Variants in MFHAS1 observed in about 807,000 individuals in gnomAD.
MFHAS1 encodes the protein multifunctional ROCO family signaling regulator 1, also known as malignant fibrous histiocytoma-amplified sequence 1.
MFHAS1 carries 50 observed loss-of-function variants against 70.4 expected under a neutral mutation model. That is an observed-to-expected ratio of 0.71 (90% CI 0.57 to 0.90). The LOEUF is 0.90. Ranked by LOEUF, MFHAS1 falls within the 40% of genes least tolerant of loss-of-function variation. MFHAS1 has a pLI of 0.00. For synonymous variants in MFHAS1, 952 were observed against 620.0 expected (o/e 1.54, Z -7.96); for missense variants, 1,795 against 1,347.6 (o/e 1.33, Z -5.20).
chr8:8,817,105 G>A (rs960589098), intron 1 of MFHAS1, among the ~76,000 whole-genome samples: 7 of 152,176 alleles, frequency 4.6e-5, no homozygotes, highest in African/African-American at 1.7e-4. Context: ...TTTCAGTATA[G>A]AAGCACACAG....
At chr8:8,791,169 C>G (rs1805708868) in intron 2 of MFHAS1, among the ~76,000 whole-genome samples, 1 of 146,396 alleles carries the variant, frequency 6.8e-6, no homozygotes, top group Non-Finnish European at 1.5e-5. Context: ...ACATGATCAG[C>G]CAAAATCAGA....
chr8:8,801,116 G>C (rs1206020918), intron 1 of MFHAS1, among the ~76,000 whole-genome samples: 1 of 152,104 alleles, frequency 6.6e-6, no homozygotes, highest in Non-Finnish European at 1.5e-5. Flanking sequence ...TCAGGAGGCT[G>C]AGGCAGCAGA....
chr8:8,841,968 A>C (rs1039320164), intron 1 of MFHAS1, among the ~76,000 whole-genome samples: 23 of 152,238 alleles, frequency 1.5e-4, no homozygotes, highest in Non-Finnish European at 4.4e-5. Context: ...ACTCAGTCTC[A>C]GCAAGGCATG....
At chr8:8,805,943 G>A (rs916547994) in intron 1 of MFHAS1, among the ~76,000 whole-genome samples, 3 of 151,866 alleles carry the variant, frequency 2.0e-5, no homozygotes, top group Non-Finnish European at 4.4e-5. Flanking sequence ...CAGGTGACCC[G>A]CCCACCTTGG....
chr8:8,795,507 G>A (rs1431690328), intron 2 of MFHAS1, among the ~76,000 whole-genome samples: 4 of 152,248 alleles, frequency 2.6e-5, no homozygotes, highest in Admixed American at 2.6e-4. Context: ...GCACATGATA[G>A]TTAAATAGTA....
chr8:8,786,486 T>C (rs1805547314), intron 2 of MFHAS1, among the ~76,000 whole-genome samples: 1 of 152,200 alleles, frequency 6.6e-6, no homozygotes, highest in South Asian at 2.1e-4. Flanking sequence ...AAGTGAGATG[T>C]CTGTCTGCCT....
At chr8:8,872,391 G>C (rs1585064292) in intron 1 of MFHAS1, among the ~76,000 whole-genome samples, 1 of 152,304 alleles carries the variant, frequency 6.6e-6, no homozygotes, top group East Asian at 1.9e-4. Context: ...TGTAAAAGGG[G>C]ACGGCAGGAG....
At chr8:8,789,464 G>C (rs66618176) in intron 2 of MFHAS1, among the ~76,000 whole-genome samples, 44,155 of 152,042 alleles carry the variant, frequency 0.29, 7,022 homozygotes, top group African/African-American at 0.39. Flanking sequence ...GGGCTGAAGG[G>C]AGGGTCCAGC....
chr8:8,793,488 A>G (rs1269429050), intron 2 of MFHAS1, among the ~76,000 whole-genome samples: 5 of 152,168 alleles, frequency 3.3e-5, no homozygotes, highest in East Asian at 1.9e-4. Context: ...AAGCCCCACA[A>G]AAGCCAGCAA....
In MFHAS1 at chr8:8,827,784, G is replaced by A. The variant is rs527521304; in HGVS notation, c.2999-30293C>T. ...TTACAGCTTCTGTGTTTTGTGACAC[G>A]CTTTGGGGGGAAAAAAGTCTTCTGT... On this transcript the variant is annotated intron_variant, in intron 1 of 2. Coordinates refer to ENST00000276282, the MANE Select transcript of MFHAS1 (RefSeq NM_004225.3). 2.2e-4 allele frequency among the ~76,000 whole-genome samples: 33 copies of A among 152,122 alleles called. No homozygotes were observed. The South Asian group carries it at 2.7e-3, about 12-fold the overall frequency.
At chr8:8,848,723 G>A (rs1037052365) in intron 1 of MFHAS1, among the ~76,000 whole-genome samples, 4 of 152,212 alleles carry the variant, frequency 2.6e-5, no homozygotes, top group African/African-American at 7.2e-5. Flanking sequence ...ACATTAGGAC[G>A]TGTTTTTTAA....
Position 8,891,823 on chromosome 8 carries a change from C to G in MFHAS1, c.1236G>C (p.Leu412=). ...SQPAVQPRLK[L]LLMGHKAAGK... ...CTGCAGCCTTATGCCCCATCAGGAG[C>G]AGCTTGAGCCGGGGCTGCACCGCCG... The change falls in exon 1 of 3, where the codon CTG becomes CTC. Residue 412 remains leucine, a synonymous_variant. Transcript: ENST00000276282. The surrounding 1 kb of genome is among the most constrained non-coding windows in gnomAD (Gnocchi z 5.4). The G allele has an allele frequency of 6.2e-7, 1 of 1,613,204 alleles. No individual in the cohort carries two copies. Among genetic ancestry groups the G allele is most frequent in the South Asian group, 1.1e-5 (1 of 91,076 alleles).
intron 1 of MFHAS1, among the ~76,000 whole-genome samples, chr8:8,888,788 G>A (rs73662206): frequency 1.3e-5 from 2 of 152,098 alleles, no homozygotes; most frequent in African/African-American, 2.4e-5. Context: ...CAGGTCATTG[G>A]ACATTTGTCC....
chr8:8,825,390 G>C (rs2409094), intron 1 of MFHAS1, among the ~76,000 whole-genome samples: 119,970 of 152,176 alleles, frequency 0.79, 47,378 homozygotes, highest in East Asian at 0.9. Context: ...CCAGGCTGGT[G>C]TCAAACTCCT....
At chr8:8,852,885 G>C (rs1048626426) in intron 1 of MFHAS1, among the ~76,000 whole-genome samples, 6 of 152,106 alleles carry the variant, frequency 3.9e-5, no homozygotes, top group African/African-American at 7.2e-5. Flanking sequence ...CTGGGAGAAG[G>C]GTATGAGCCC....
At chr8:8,851,887 C>CA (rs1808260260) in intron 1 of MFHAS1, among the ~76,000 whole-genome samples, 1 of 152,164 alleles carries the variant, frequency 6.6e-6, no homozygotes, top group Non-Finnish European at 1.5e-5. Context: ...ACAGTGTTCT[C>CA]CATTCTCTTG....
chr8:8,891,182 G>A lies in MFHAS1; in HGVS notation c.1877C>T (p.Pro626Leu). ...GTGGCGCGGGTCCCTGCAGCTAACAGGCAACACGGGGGAGAGGATCTGCAG... is the reference window on the plus strand; with the variant it reads ...GTGGCGCGGGTCCCTGCAGCTAACAAGCAACACGGGGGAGAGGATCTGCAG... ...HRLQILSPVL[P>L]VSCRDPRHLR... The change falls in exon 1 of 3, where the codon CCT becomes CTT. Residue 626 changes from proline to leucine, a missense_variant. Transcript: ENST00000276282. This position sits in a 1 kb window ranked among gnomAD's most constrained non-coding sequence, Gnocchi z 5.4. 1.9e-6 allele frequency: 3 copies of A among 1,613,212 alleles called. No individual in the cohort carries two copies. The highest frequency in any genetic ancestry group is 2.7e-5 in the African/African-American group (2 of 75,058).
Position 8,858,797 on chromosome 8 carries a change from G to C in MFHAS1, c.2998+31264C>G, listed in dbSNP as rs139774622. On this transcript the variant is annotated intron_variant, in intron 1 of 2. Coordinates refer to ENST00000276282, the MANE Select transcript of MFHAS1 (RefSeq NM_004225.3). ...GTGGACCCAAGCAGTTCAAATCTAT[G>C]TTGTTCAAGGATCAACTACACTCAT... Among the ~76,000 whole-genome samples, 207 of 152,192 alleles carry C rather than the reference G, an allele frequency of 1.4e-3. 1 individual carries two copies. Among genetic ancestry groups the C allele is most frequent in the African/African-American group, 4.8e-3 (201 of 41,502 alleles).
intron 1 of MFHAS1, among the ~76,000 whole-genome samples, chr8:8,834,765 A>G (rs1206917461): frequency 6.6e-6 from 1 of 152,130 alleles, no homozygotes; most frequent in East Asian, 1.9e-4. Context: ...ACATAAATAA[A>G]CCTCCAAAAC....
Sources: allele counts gnomAD v4.1 joint callset (sites outside exome capture counted in the v4.1 genomes callset), GRCh38; gene constraint gnomAD v4.1.1; non-coding constraint Gnocchi (gnomAD v3.1); transcripts MANE v1.5; gene names NCBI Gene and HGNC (gene_info 2026-07-23, HGNC 2026-07-21).